Variants in BRSK1 observed in about 807,000 individuals in gnomAD.
BRSK1 encodes the protein serine/threonine-protein kinase BRSK1.
A neutral mutation model predicts 86.2 loss-of-function variants in BRSK1; 17 were observed. The ratio of observed to expected loss-of-function variants is 0.20; its 90% CI spans 0.14 to 0.30. BRSK1 has a LOEUF of 0.30. BRSK1 is among the 10% of genes least tolerant of loss of function. BRSK1 has a pLI of 1.00. For synonymous variants in BRSK1, 464 were observed against 440.1 expected (o/e 1.05, Z -0.68); for missense variants, 719 against 1,071.9 (o/e 0.67, Z 4.60).
intron 7 of BRSK1, among the ~76,000 whole-genome samples, chr19:55,295,277 C>T (rs1328631531): frequency 6.6e-6 from 1 of 152,136 alleles, no homozygotes; most frequent in African/African-American, 2.4e-5. Flanking sequence ...CTCTTGCCAA[C>T]ACGCCCAGCT....
chr19:55,284,456 C>T lies in BRSK1; in HGVS notation c.14C>T (p.Ala5Val). 2.3e-6 allele frequency: 3 copies of T among 1,301,554 alleles called. No individual in the cohort carries two copies. Among genetic ancestry groups the T allele is most frequent in the Non-Finnish European group, 2.0e-6 (2 of 1,003,854 alleles). 80.6% of individuals were successfully genotyped at this position (1,301,554 alleles called of 1,614,324 possible). A position where few individuals can be genotyped will look rare whatever the true frequency, so the allele number is the denominator to read the frequency against. The part of the protein sequence containing the change: MSSG[A>V]KEGGGGSPAY... Reference sequence around the variant, plus strand: ...ACCAAGGGCACCATGTCGTCCGGGGCCAAGGAGGGAGGTGGGGGCTCTCCC... The same window carrying T: ...ACCAAGGGCACCATGTCGTCCGGGGTCAAGGAGGGAGGTGGGGGCTCTCCC... The change falls in exon 1 of 19, where the codon GCC becomes GTC. Residue 5 changes from alanine to valine, a missense_variant. Ala to Val is a moderately conservative substitution (Grantham distance 64). This residue lies in a region of BRSK1 where 71 missense variants were observed against 92.6 expected (regional missense o/e 0.77). Coordinates refer to ENST00000309383, the MANE Select transcript of BRSK1 (RefSeq NM_032430.2).
chr19:55,312,292 A>T lies in BRSK1; in HGVS notation c.*224A>T. On this transcript the variant is annotated 3_prime_UTR_variant, in exon 19 of 19. Transcript: ENST00000309383. ...TTCTATTTTATTTATTGATTAATTT[A>T]TTATTTTATTTATTGATCAATCTCT... is the stretch of plus-strand genomic sequence containing the variant. 1.2e-5 allele frequency: 2 copies of T among 164,262 alleles called. No individual in the cohort carries two copies. The highest frequency in any genetic ancestry group is 2.2e-5 in the Non-Finnish European group (2 of 89,122). 10.2% of individuals were successfully genotyped at this position (164,262 alleles called of 1,614,324 possible).
rs1235213393 is a variant in BRSK1, at chr19:55,308,785, G to A, written c.2179+57G>A. ...GTGGGTGGCGGGGGCCGTGGGTGGCGGGGGGCGTGGGTGGCGGGGGGCGTG... is the reference window on the plus strand; with the variant it reads ...GTGGGTGGCGGGGGCCGTGGGTGGCAGGGGGCGTGGGTGGCGGGGGGCGTG... On this transcript the variant is annotated intron_variant, in intron 18 of 18. Transcript: ENST00000309383. 9.4e-5 allele frequency: 13 copies of A among 138,312 alleles called. No individual in the cohort carries two copies. In the African/African-American group the frequency reaches 2.0e-3, roughly 21 times the overall value. The allele number at this position is 138,312 out of a possible 1,614,324, so 8.6% of individuals were successfully genotyped here.
chr19:55,294,153 C>T lies in BRSK1; in HGVS notation c.575+20C>T. 6.2e-7 allele frequency: 1 copy of T among 1,611,580 alleles called. No homozygotes were observed. Among genetic ancestry groups the T allele is most frequent in the Non-Finnish European group, 8.5e-7 (1 of 1,178,192 alleles). On this transcript the variant is annotated intron_variant, in intron 5 of 18. Transcript: ENST00000309383. This position sits in a 1 kb window ranked among gnomAD's most constrained non-coding sequence, Gnocchi z 4.9. The stretch of plus-strand genomic sequence containing the variant: ...CTGCGGGTGAGTGGGGACTGGGCTC[C>T]CGAGACCCTGGGCAGGGGTTTAGAA...
rs773660197 is a variant in BRSK1, at chr19:55,294,298, C to G, written c.610-31C>G. The G allele has an allele frequency of 3.7e-6, 6 of 1,614,104 alleles. No individual in the cohort carries two copies. The African/African-American group carries it at 6.7e-5, about 18-fold the overall frequency. On this transcript the variant is annotated intron_variant, in intron 6 of 18. Coordinates refer to ENST00000309383, the MANE Select transcript of BRSK1 (RefSeq NM_032430.2). This position sits in a 1 kb window ranked among gnomAD's most constrained non-coding sequence, Gnocchi z 4.9. ...GAGGGGTGGAGGCAGCAGTGAGGAGCGATGAAGTCACAACTGGCCTTCCCT... is the reference window on the plus strand; with the variant it reads ...GAGGGGTGGAGGCAGCAGTGAGGAGGGATGAAGTCACAACTGGCCTTCCCT...
chr19:55,290,046 G>A lies in BRSK1; in HGVS notation c.458+426G>A, dbSNP rs575953980. 4.6e-5 allele frequency among the ~76,000 whole-genome samples: 7 copies of A among 152,292 alleles called. No homozygotes were observed. The East Asian group carries it at 9.6e-4, about 21-fold the overall frequency. ...GTTTTGCTCTTGTTGCCCAGCAGGAGTGCAATGGTGTGATCTTGGCTCACT... is the reference window on the plus strand; with the variant it reads ...GTTTTGCTCTTGTTGCCCAGCAGGAATGCAATGGTGTGATCTTGGCTCACT... On this transcript the variant is annotated intron_variant, in intron 4 of 18. Transcript: ENST00000309383.
rs926593847 is a variant in BRSK1 at position 55,306,983 on chromosome 19, G to A, written c.2089+533G>A. Among the ~76,000 whole-genome samples, 1 of 152,202 alleles carries A rather than the reference G, an allele frequency of 6.6e-6. No homozygotes were observed. Among genetic ancestry groups the A allele is most frequent in the Non-Finnish European group, 1.5e-5 (1 of 68,032 alleles). On this transcript the variant is annotated intron_variant, in intron 17 of 18. Coordinates refer to ENST00000309383, the MANE Select transcript of BRSK1 (RefSeq NM_032430.2). This position sits in a 1 kb window ranked among gnomAD's most constrained non-coding sequence, Gnocchi z 4.7. Reference sequence around the variant, plus strand: ...CCTGCTAAGCTCAGTGGCAGCCTCAGGAACTTGAACTCCAGGCAGCCATGA... The same window carrying A: ...CCTGCTAAGCTCAGTGGCAGCCTCAAGAACTTGAACTCCAGGCAGCCATGA...
At position 55,303,035 on chromosome 19, in the gene BRSK1, G is replaced by C; in HGVS notation, c.1028+168G>C. On this transcript the variant is annotated intron_variant, in intron 10 of 18. Transcript: ENST00000309383. This position sits in a 1 kb window ranked among gnomAD's most constrained non-coding sequence, Gnocchi z 5.1. ...AGCGGAGAAAACGGCCCAGAAACAC[G>C]CTGAGAAAGTATTAATAGATGCTGC... 6.2e-6 allele frequency: 5 copies of C among 807,630 alleles called. No homozygotes were observed. The highest frequency in any genetic ancestry group is 9.6e-6 in the Non-Finnish European group (5 of 523,206). 50.0% of individuals were successfully genotyped at this position (807,630 alleles called of 1,614,324 possible).
At chr19:55,289,379 A>C in intron 3 of BRSK1, 101 bp from the exon 4 acceptor site, 1 of 1,381,046 alleles carries the variant, frequency 7.2e-7, no homozygotes, top group Non-Finnish European at 9.9e-7. Context: ...GATCATGGGA[A>C]TTGGAGTTCT....
intron 7 of BRSK1, among the ~76,000 whole-genome samples, chr19:55,300,236 C>T (rs1399649561): frequency 6.6e-6 from 1 of 152,132 alleles, no homozygotes; most frequent in Non-Finnish European, 1.5e-5. Context: ...ATGGTCAGTG[C>T]GTCACAGCAG....
At chr19:55,305,658 C>T in intron 16 of BRSK1, 72 bp downstream of exon 16, 2 of 1,605,052 alleles carry the variant, frequency 1.2e-6, no homozygotes, top group Non-Finnish European at 1.7e-6. Context: ...TGGGGCTAAC[C>T]ACCTTAGCAT....
chr19:55,296,796 C>T (rs1047301930), intron 7 of BRSK1, among the ~76,000 whole-genome samples: 4 of 151,716 alleles, frequency 2.6e-5, no homozygotes, highest in Non-Finnish European at 5.9e-5. Flanking sequence ...TGCAGTGAGC[C>T]GAGATCATGC....
rs1341197670 is a variant in BRSK1, at chr19:55,304,937, T to A, written c.1717+17T>A. ...AGATGCAGGGTATGGGGGCATGAAC[T>A]GCCGAGTCCTAATGTGGGGAGAGGT... is the stretch of plus-strand genomic sequence containing the variant. On this transcript the variant is annotated intron_variant, in intron 14 of 18. Transcript: ENST00000309383. This position sits in a 1 kb window ranked among gnomAD's most constrained non-coding sequence, Gnocchi z 5.2. The A allele has an allele frequency of 6.2e-7, 1 of 1,603,490 alleles. No individual in the cohort carries two copies.
chr19:55,287,071 G>A lies in BRSK1; in HGVS notation c.201G>A (p.Arg67=), dbSNP rs770667328. Residue 67 remains arginine (R), a synonymous_variant, in exon 2 of 19, where the codon CGG becomes CGA. Transcript: ENST00000309383. This position sits in a 1 kb window ranked among gnomAD's most constrained non-coding sequence, Gnocchi z 5.3. The part of the protein sequence containing the change: ...GQKVAIKIVN[R]EKLSESVLMK... ...AGGTCGCCATCAAGATCGTGAACCG[G>A]GAGAAGCTGTCGGAGTCGGTGCTGA... The A allele has an allele frequency of 1.2e-5, 19 of 1,613,642 alleles. No individual in the cohort carries two copies. Among genetic ancestry groups the A allele is most frequent in the Non-Finnish European group, 1.6e-5 (19 of 1,179,912 alleles).
At chr19:55,311,816 A>G in intron 18 of BRSK1, 95 bp from the exon 19 acceptor site, 1 of 1,343,700 alleles carries the variant, frequency 7.4e-7, no homozygotes, top group Non-Finnish European at 1.0e-6. Context: ...GGTTACTGAG[A>G]CCGACTGATG....
In BRSK1 at chr19:55,294,459, C is replaced by G. The variant is rs2088455799; in HGVS notation, c.678+62C>G. The G allele has an allele frequency of 6.5e-7, 1 of 1,533,450 alleles. No homozygotes were observed. The highest frequency in any genetic ancestry group is 8.9e-7 in the Non-Finnish European group (1 of 1,118,408). 95.0% of individuals were successfully genotyped at this position (1,533,450 alleles called of 1,614,324 possible). ...AATCCCACCTGGTGGGAGCATAGGA[C>G]AGTACCTTCCATCCTCAGGTCATCT... On this transcript the variant is annotated intron_variant, in intron 7 of 18. Transcript: ENST00000309383. This position sits in a 1 kb window ranked among gnomAD's most constrained non-coding sequence, Gnocchi z 4.9.
intron 4 of BRSK1, among the ~76,000 whole-genome samples, chr19:55,290,990 A>G (rs763328196): frequency 3.4e-4 from 30 of 89,520 alleles, no homozygotes; most frequent in Admixed American, 2.0e-3. Context: ...GCCCAACTCA[A>G]GGTCACTAAG....
At chr19:55,298,285 T>G (rs1366577236) in intron 7 of BRSK1, among the ~76,000 whole-genome samples, 1 of 144,172 alleles carries the variant, frequency 6.9e-6, no homozygotes, top group Admixed American at 7.3e-5. Flanking sequence ...GTGCAATGGC[T>G]TGATCTTCTT....
At position 55,284,095 on chromosome 19, in the gene BRSK1, G is replaced by T; in HGVS notation, c.-348G>T. 1 of 401,954 alleles carries T rather than the reference G, an allele frequency of 2.5e-6. No individual in the cohort carries two copies. The highest frequency in any genetic ancestry group is 4.3e-6 in the Non-Finnish European group (1 of 235,010). The allele number at this position is 401,954 out of a possible 1,614,324, so 24.9% of individuals were successfully genotyped here. On this transcript the variant is annotated 5_prime_UTR_variant, in exon 1 of 19. Coordinates refer to ENST00000309383, the MANE Select transcript of BRSK1 (RefSeq NM_032430.2). Reference sequence around the variant, plus strand: ...GAGAGAGGGCGCGTGGGGGGGCGGGGGGGACCTCGGCCTGCAGCATCCGCC... The same window carrying T: ...GAGAGAGGGCGCGTGGGGGGGCGGGTGGGACCTCGGCCTGCAGCATCCGCC...
Sources: gnomAD v4.1 joint callset for allele counts (sites outside exome capture counted in the v4.1 genomes callset) on GRCh38, gnomAD v4.1.1 for gene constraint, gnomAD v4.1.1 regional missense constraint, Gnocchi (gnomAD v3.1) non-coding constraint, MANE v1.5 for transcripts, NCBI Gene and HGNC (gene_info 2026-07-23, HGNC 2026-07-21) for gene names.